The following PPEF1 variants were observed in gnomAD, a reference collection of about 807,000 sequenced individuals.
PPEF1 encodes serine/threonine-protein phosphatase with EF-hands 1.
PPEF1 carries 12 observed loss-of-function variants against 53.3 expected under a neutral mutation model. The ratio of observed to expected loss-of-function variants is 0.23; its 90% confidence interval spans 0.14 to 0.36. The LOEUF is 0.36. Among genes scored for constraint, PPEF1 ranks in the 10% least tolerant of loss-of-function variants. PPEF1 has a pLI of 1.00. For synonymous variants in PPEF1, 165 were observed against 176.7 expected (o/e 0.93, Z 0.52); for missense variants, 334 against 490.4 (o/e 0.68, Z 3.01).
In PPEF1 at chrX:18,803,547, C is replaced by T. The variant is rs747054407; in HGVS notation, c.1066-345C>T. ...TCATGGCTCACTGCAGCCTCAACCTCTCAGGCTCAAGTGATCCTCCCATCT... is the reference window on the plus strand; with the variant it reads ...TCATGGCTCACTGCAGCCTCAACCTTTCAGGCTCAAGTGATCCTCCCATCT... On this transcript the variant is annotated intron_variant, in intron 10 of 15. Transcript: ENST00000470157. Among the ~76,000 whole-genome samples, 283 of 112,312 alleles carry T rather than the reference C, an allele frequency of 2.5e-3. 1 individual carries two copies. Among genetic ancestry groups the T allele is most frequent in the African/African-American group, 8.9e-3 (275 of 30,969 alleles).
At chrX:18,687,685 C>CT (rs370867326) in intron 3 of PPEF1, among the ~76,000 whole-genome samples, 2,174 of 89,099 alleles carry the variant, frequency 0.024, 90 homozygotes, top group African/African-American at 0.081. Context: ...AAATATTCTT[C>CT]TTTTTTTTTT....
chrX:18,718,932 A>C (rs1007459422), intron 1 of PPEF1, among the ~76,000 whole-genome samples: 11 of 112,423 alleles, frequency 9.8e-5, no homozygotes, highest in African/African-American at 3.6e-4. Context: ...GGATGAACGA[A>C]CATGGCAATA....
intron 6 of PPEF1, among the ~76,000 whole-genome samples, chrX:18,776,984 G>A (rs1245628251): frequency 1.8e-5 from 2 of 112,476 alleles, no homozygotes; most frequent in African/African-American, 6.5e-5. Flanking sequence ...AATAAAATGA[G>A]TCTCTTAATT....
chrX:18,694,236 G>A (rs747562490), intron 4 of PPEF1, among the ~76,000 whole-genome samples: 3 of 111,722 alleles, frequency 2.7e-5, no homozygotes, highest in Admixed American at 9.5e-5. Flanking sequence ...ATGTTTGACC[G>A]TATGAACCTG....
At chrX:18,689,556 C>T (rs1260361378) in intron 3 of PPEF1, among the ~76,000 whole-genome samples, 1 of 109,009 alleles carries the variant, frequency 9.2e-6, no homozygotes, top group East Asian at 2.9e-4. Context: ...CAGTGCCCCT[C>T]AAAGTATGCT....
At position 18,795,575 on chromosome X, in the gene PPEF1, G is replaced by A. The variant is rs771877953; in HGVS notation, c.1065+6302G>A. Among the ~76,000 whole-genome samples the A allele has an allele frequency of 3.6e-5, 4 of 111,621 alleles. No individual in the cohort carries two copies. The East Asian group carries it at 1.1e-3, about 31-fold the overall frequency. ...TCTCATTCATTCATCCATTCAACAA[G>A]AATGTATTGATCACTCCTGAGTACT... is the stretch of plus-strand genomic sequence containing the variant. On this transcript the variant is annotated intron_variant, in intron 10 of 15. Transcript: ENST00000470157.
At chrX:18,684,961 G>A (rs979372754) in intron 2 of PPEF1, among the ~76,000 whole-genome samples, 1 of 111,961 alleles carries the variant, frequency 8.9e-6, no homozygotes, top group Non-Finnish European at 1.9e-5. Context: ...ACTCCCCTGT[G>A]ACTAGGTAAC....
chrX:18,811,898 C>T lies in PPEF1; in HGVS notation c.1394+5353C>T, dbSNP rs867924162. On this transcript the variant is annotated intron_variant, in intron 12 of 15. Coordinates refer to ENST00000470157, the MANE Select transcript of PPEF1 (RefSeq NM_001377996.1). Reference sequence around the variant, plus strand: ...CTGGGATTACAGGCGTGAGCCACCACGACTGGCCACTTGTTCAGTATTTGA... The same window carrying T: ...CTGGGATTACAGGCGTGAGCCACCATGACTGGCCACTTGTTCAGTATTTGA... Among the ~76,000 whole-genome samples the T allele has an allele frequency of 8.3e-4, 92 of 111,168 alleles. 1 individual carries two copies. Among genetic ancestry groups the T allele is most frequent in the Admixed American group, 6.8e-3 (70 of 10,359 alleles).
Position 18,749,797 on chromosome X carries a change from A to G in PPEF1, c.241A>G (p.Arg81Gly), listed in dbSNP as rs780958647. Reference sequence around the variant, plus strand: ...TTCTGTCCTTCCTTTTCCAGAATTAAGAAATCAGTCTCTTGAAAGCGAACA... The same window carrying G: ...TTCTGTCCTTCCTTTTCCAGAATTAGGAAATCAGTCTCTTGAAAGCGAACA... ...THIHKEELELRNQSLESEQDM... is the reference protein window; with the variant it reads ...THIHKEELELGNQSLESEQDM... The change falls in exon 4 of 16, where the codon AGA (arginine) becomes GGA (glycine). Residue 81 changes from arginine (R) to glycine (G), a missense_variant. Physicochemically the swap from Arg to Gly is moderately radical, Grantham distance 125. Transcript: ENST00000470157. The G allele has an allele frequency of 7.3e-6, 7 of 956,893 alleles. No individual in the cohort carries two copies. The Admixed American group carries it at 2.0e-4, about 28-fold the overall frequency. The allele number at this position is 956,893 out of a possible 1,213,427, so 78.9% of individuals were successfully genotyped here.
upstream of PPEF1, among the ~76,000 whole-genome samples, chrX:18,703,821 C>T (rs1329985463): frequency 9.2e-6 from 1 of 109,055 alleles, no homozygotes; most frequent in Non-Finnish European, 1.9e-5. Flanking sequence ...AAAAGAAAAT[C>T]GAAATTGAAA....
chrX:18,707,048 C>G (rs1444842468), upstream of PPEF1, among the ~76,000 whole-genome samples: 2 of 108,875 alleles, frequency 1.8e-5, no homozygotes, highest in African/African-American at 3.3e-5. Context: ...AGGCTGGTCT[C>G]GAACTCCTGA....
chrX:18,822,509 ATTTCT>A (rs757994680), intron 13 of PPEF1, among the ~76,000 whole-genome samples: 87 of 107,988 alleles, frequency 8.1e-4, no homozygotes, highest in Non-Finnish European at 1.3e-3. Context: ...GAGGTATGAG[ATTTCT>A]TTTTTTTTTT....
At chrX:18,732,326 A>G (rs1022858422) in intron 2 of PPEF1, among the ~76,000 whole-genome samples, 1 of 112,286 alleles carries the variant, frequency 8.9e-6, no homozygotes. Context: ...GAACATTTGT[A>G]TGCAAGTTTT....
chrX:18,683,437 G>T (rs1928952699), intron 1 of PPEF1, among the ~76,000 whole-genome samples: 1 of 111,724 alleles, frequency 9.0e-6, no homozygotes, highest in African/African-American at 3.3e-5. Flanking sequence ...TACAGTGCTT[G>T]CTGTGTATTA....
intron 14 of PPEF1, 94 bp downstream of exon 14, chrX:18,824,180 G>T (rs2047119245): frequency 1.1e-6 from 1 of 922,799 alleles, no homozygotes; most frequent in African/African-American, 2.0e-5. Flanking sequence ...AGTGGCTCAC[G>T]CCTGTAATCC....
At position 18,784,003 on chromosome X, in the gene PPEF1, A is replaced by G; in HGVS notation, c.867A>G (p.Ser289=). Residue 289 remains serine (S), a synonymous_variant, in exon 9 of 16, where the codon TCA becomes TCG. Transcript: ENST00000470157. ...TCCTGGTCATCCATGGTGGGATATC[A>G]GAGACCACAGACTTGAATTTACTCC... The part of the protein sequence containing the change: ...NEILVIHGGI[S]ETTDLNLLHR... 8.3e-7 allele frequency: 1 copy of G among 1,209,386 alleles called. No homozygotes were observed. The highest frequency in any genetic ancestry group is 1.1e-6 in the Non-Finnish European group (1 of 894,005).
At chrX:18,781,338 G>A (rs775974141) in intron 7 of PPEF1, among the ~76,000 whole-genome samples, 1 of 110,457 alleles carries the variant, frequency 9.1e-6, no homozygotes, top group African/African-American at 3.3e-5. Context: ...GCCCGGGCAG[G>A]GATGAGATTC....
chrX:18,724,339 G>A (rs1351788975), intron 1 of PPEF1, among the ~76,000 whole-genome samples: 1 of 111,637 alleles, frequency 9.0e-6, no homozygotes, highest in Non-Finnish European at 1.9e-5. Flanking sequence ...TAAAGCACGA[G>A]GCACAATGCC....
intron 3 of PPEF1, among the ~76,000 whole-genome samples, chrX:18,743,024 A>G (rs2045219332): frequency 8.9e-6 from 1 of 111,815 alleles, no homozygotes. Context: ...GCCATACTCT[A>G]TCGGTTAAAA....
Sources: gnomAD v4.1 joint callset for allele counts (sites outside exome capture counted in the v4.1 genomes callset) on GRCh38, gnomAD v4.1.1 for gene constraint, MANE v1.5 for transcripts, NCBI Gene and HGNC (gene_info 2026-07-23, HGNC 2026-07-21) for gene names.